The following PRPF3 variants were observed in gnomAD, a reference collection of about 807,000 sequenced individuals.
The protein encoded by PRPF3 is U4/U6 small nuclear ribonucleoprotein Prp3.
Under a neutral mutation model 89.2 loss-of-function variants are expected in PRPF3, and 3 were observed. The observed-to-expected ratio is 0.03, with a 90% CI of 0.02 to 0.09. The LOEUF is 0.09. Ranked by LOEUF, PRPF3 falls within the 10% of genes least tolerant of loss-of-function variation. The probability of loss-of-function intolerance (pLI) is 1.00; values close to 1 mark genes in which losing one functional copy is unlikely to be tolerated. For synonymous variants in PRPF3, 270 were observed against 289.1 expected (o/e 0.93, Z 0.67); for missense variants, 463 against 828.8 (o/e 0.56, Z 5.42).
At chr1:150,343,196 C>T (rs1170224594) in intron 9 of PRPF3, 113 bp from the exon 10 acceptor site, 6 of 582,194 alleles carry the variant, frequency 1.0e-5, no homozygotes, top group South Asian at 4.9e-5. Context: ...GAGCTGAGAT[C>T]GTGCCATTGC....
chr1:150,325,730 C>T (rs1553863569), intron 2 of PRPF3, 21 bp from the exon 3 acceptor site: 4 of 1,609,740 alleles, frequency 2.5e-6, no homozygotes, highest in Admixed American at 1.7e-5. Context: ...CCAACCCTAC[C>T]ACCGCCTTTC....
At chr1:150,329,338 G>A (rs2101958538) in intron 4 of PRPF3, among the ~76,000 whole-genome samples, 1 of 152,180 alleles carries the variant, frequency 6.6e-6, no homozygotes, top group South Asian at 2.1e-4. Context: ...CAGCATTTGG[G>A]AAAATTTTAT....
intron 14 of PRPF3, among the ~76,000 whole-genome samples, chr1:150,348,459 C>CTTT (rs1553873583): frequency 2.9e-5 from 1 of 34,826 alleles, no homozygotes; most frequent in African/African-American, 9.4e-5. Flanking sequence ...TCTACACGTG[C>CTTT]ATTTTTTTTT....
At chr1:150,348,486 G>T (rs1249469756) in intron 14 of PRPF3, among the ~76,000 whole-genome samples, 2 of 8,542 alleles carry the variant, frequency 2.3e-4, no homozygotes, top group African/African-American at 5.3e-4. Context: ...TTTTGAGATG[G>T]AGTCTTTGCT....
chr1:150,333,607 C>G (rs1428257616), intron 6 of PRPF3, among the ~76,000 whole-genome samples: 1 of 152,088 alleles, frequency 6.6e-6, no homozygotes, highest in Non-Finnish European at 1.5e-5. Context: ...TCCACAGAAC[C>G]TAGATCATTT....
chr1:150,322,978 G>T (rs1553862573), intron 1 of PRPF3, among the ~76,000 whole-genome samples: 1 of 151,450 alleles, frequency 6.6e-6, no homozygotes, highest in Non-Finnish European at 1.5e-5. Flanking sequence ...ATGTTCAAGG[G>T]ATTCTCCTGT....
At chr1:150,345,367 T>A (rs587703041) in intron 12 of PRPF3, among the ~76,000 whole-genome samples, 84 of 151,040 alleles carry the variant, frequency 5.6e-4, no homozygotes, top group African/African-American at 2.1e-3. Context: ...TTATTTATTT[T>A]GAGACGGAGT....
chr1:150,328,237 A>G lies in PRPF3; in HGVS notation c.277-83A>G. 7.7e-6 allele frequency: 12 copies of G among 1,556,182 alleles called. No individual in the cohort carries two copies. In the South Asian group the frequency reaches 1.0e-4, roughly 13 times the overall value. On this transcript the variant is annotated intron_variant, in intron 3 of 15. Coordinates refer to ENST00000324862, the MANE Select transcript of PRPF3 (RefSeq NM_004698.4). ...TCATATTCCCCTGGGAATAGCCAGA[A>G]AATGCTGGTAGGGGCTAGGATAATT...
chr1:150,326,188 G>A (rs1553863705), intron 3 of PRPF3, among the ~76,000 whole-genome samples: 1 of 151,558 alleles, frequency 6.6e-6, no homozygotes, highest in Non-Finnish European at 1.5e-5. Context: ...TAAACTGATT[G>A]CTCTAAGATT....
intron 3 of PRPF3, chr1:150,327,731 C>A: frequency 1.6e-6 from 1 of 642,656 alleles, no homozygotes; most frequent in Non-Finnish European, 1.9e-6. Context: ...GCAAATTAGT[C>A]ATCATATTTG....
chr1:150,335,058 T>C lies in PRPF3; in HGVS notation c.852T>C (p.Asn284=). Residue 284 remains asparagine, a synonymous_variant, in exon 7 of 16, where the codon AAT becomes AAC. Coordinates refer to ENST00000324862, the MANE Select transcript of PRPF3 (RefSeq NM_004698.4). The part of the protein sequence containing the change: ...LTHRMPTLKA[N]IRAVKREQFK... ...ACCGCATGCCTACTCTGAAAGCCAA[T>C]ATTCGTGCTGTGAAGAGGGAACAAT... The C allele has an allele frequency of 6.2e-7, 1 of 1,614,048 alleles. No individual in the cohort carries two copies. The highest frequency in any genetic ancestry group is 8.5e-7 in the Non-Finnish European group (1 of 1,180,010).
chr1:150,324,014 C>T (rs1655416696), intron 1 of PRPF3, among the ~76,000 whole-genome samples: 2 of 151,870 alleles, frequency 1.3e-5, no homozygotes, highest in East Asian at 1.9e-4. Flanking sequence ...CTCCTGACCT[C>T]GTGATCCACC....
intron 4 of PRPF3, among the ~76,000 whole-genome samples, chr1:150,330,739 C>T (rs587768516): frequency 2.1e-4 from 30 of 139,728 alleles, no homozygotes; most frequent in Non-Finnish European, 3.7e-4. Context: ...TTTTTTGAGA[C>T]GGAGTCTCAC....
chr1:150,342,999 C>T (rs907295035), intron 9 of PRPF3, among the ~76,000 whole-genome samples: 9 of 152,056 alleles, frequency 5.9e-5, no homozygotes, highest in Admixed American at 2.0e-4. Context: ...TTGATATTTA[C>T]CTAGGTTTCT....
intron 1 of PRPF3, among the ~76,000 whole-genome samples, chr1:150,323,592 G>A (rs144675472): frequency 0.078 from 11,678 of 149,160 alleles, 568 homozygotes; most frequent in Non-Finnish European, 0.093. Flanking sequence ...CCAAGATTAC[G>A]CCACTGCACT....
intron 10 of PRPF3, 86 bp downstream of exon 10, chr1:150,343,538 G>A (rs1657998215): frequency 6.6e-7 from 1 of 1,521,774 alleles, no homozygotes; most frequent in South Asian, 1.1e-5. Flanking sequence ...CTCTGTGTTT[G>A]AGTGATTTCT....
chr1:150,337,389 G>A (rs1012138497), intron 7 of PRPF3, among the ~76,000 whole-genome samples: 3 of 152,210 alleles, frequency 2.0e-5, no homozygotes, highest in African/African-American at 7.2e-5. Context: ...GTGGAGTGCA[G>A]GGAGGGGTTG....
In PRPF3 at chr1:150,346,473, T is replaced by A. The variant is rs782039602; in HGVS notation, c.1825T>A (p.Ser609Thr). The A allele has an allele frequency of 6.2e-7, 1 of 1,613,428 alleles. No individual in the cohort carries two copies. Among genetic ancestry groups the A allele is most frequent in the East Asian group, 2.2e-5 (1 of 44,868 alleles). Residue 609 changes from serine (S) to threonine (T), a missense_variant, in exon 14 of 16, where the codon TCT becomes ACT. By Grantham distance (58) the Ser-to-Thr change is moderately conservative. This residue lies in a region of PRPF3 where 78 missense variants were observed against 96.6 expected (regional missense o/e 0.81). Transcript: ENST00000324862. ...LHRIKWDEQTSNTKGDDDEES... is the reference protein window; with the variant it reads ...LHRIKWDEQTTNTKGDDDEES... ...TCGGATAAAGTGGGATGAACAGACA[T>A]CTAACACAAAGGGAGATGGTGAATG...
Position 150,351,775 on chromosome 1 carries a change from G to A in PRPF3, c.1906-1058G>A, listed in dbSNP as rs587757351. ...TCCTCCCACCTCAGCCTCCCAAAGT[G>A]CTGGGATTATAGGCATGAGCTACTG... is the stretch of plus-strand genomic sequence containing the variant. On this transcript the variant is annotated intron_variant, in intron 15 of 15. Transcript: ENST00000324862. 2.0e-5 allele frequency among the ~76,000 whole-genome samples: 3 copies of A among 147,238 alleles called. No individual in the cohort carries two copies. The South Asian group carries it at 6.5e-4, about 32-fold the overall frequency.
Sources: allele counts gnomAD v4.1 joint callset (sites outside exome capture counted in the v4.1 genomes callset), GRCh38; gene constraint gnomAD v4.1.1; regional missense constraint gnomAD v4.1.1; transcripts MANE v1.5; gene names NCBI Gene and HGNC (gene_info 2026-07-23, HGNC 2026-07-21).